DMD: variants seen among roughly 807,000 people sequenced by gnomAD.
DMD encodes mutant dystrophin.
In DMD, 63 loss-of-function variants were observed where a neutral mutation model predicts 330.1. That is an observed-to-expected ratio of 0.19 (90% CI 0.16 to 0.24). The LOEUF (loss-of-function observed/expected upper bound fraction) is 0.24. DMD is among the 10% of genes least tolerant of loss of function. The pLI, the probability that DMD is intolerant of heterozygous loss-of-function variation, is 1.00. For missense variants in DMD, 3,344 were observed against 2,684.1 expected (o/e 1.25, Z -5.43); for synonymous variants, 1,223 against 959.8 (o/e 1.27, Z -5.07).
At chrX:32,547,472 A>G (rs1394424377) in intron 16 of DMD, among the ~76,000 whole-genome samples, 1 of 111,197 alleles carries the variant, frequency 9.0e-6, no homozygotes, top group Non-Finnish European at 1.9e-5. Context: ...AATCACTACT[A>G]CACTGTAATT....
intron 9 of DMD, among the ~76,000 whole-genome samples, chrX:32,653,515 A>G (rs2060323230): frequency 9.0e-6 from 1 of 111,621 alleles, no homozygotes; most frequent in Non-Finnish European, 1.9e-5. Context: ...CCATTGGTCT[A>G]TATCTCTATT....
intron 22 of DMD, among the ~76,000 whole-genome samples, chrX:32,470,709 G>C (rs761025212): frequency 1.8e-5 from 2 of 111,119 alleles, no homozygotes; most frequent in East Asian, 5.7e-4. Flanking sequence ...AAACAAAAAA[G>C]GTGAAACAGC....
chrX:31,958,596 T>C (rs753074081), intron 45 of DMD, among the ~76,000 whole-genome samples: 3 of 111,937 alleles, frequency 2.7e-5, no homozygotes, highest in Non-Finnish European at 3.8e-5. Context: ...ATCTGCCACG[T>C]TGGCTTCCTG....
At chrX:33,243,563 A>G (rs1158859748) in intron 1 of DMD, among the ~76,000 whole-genome samples, 1 of 112,207 alleles carries the variant, frequency 8.9e-6, no homozygotes, top group East Asian at 2.8e-4. Context: ...TACCCAAATG[A>G]AAAGAAATAA....
At chrX:31,411,046 G>T (rs1012404611) in intron 60 of DMD, among the ~76,000 whole-genome samples, 1 of 109,242 alleles carries the variant, frequency 9.2e-6, no homozygotes, top group Non-Finnish European at 1.9e-5. Flanking sequence ...GATTACAGGC[G>T]TGAGCCACTG....
chrX:31,655,237 G>A (rs1459151122), intron 54 of DMD, among the ~76,000 whole-genome samples: 1 of 111,137 alleles, frequency 9.0e-6, no homozygotes, highest in Admixed American at 9.6e-5. Flanking sequence ...AGTGAACATA[G>A]ACAAAGATGA....
chrX:32,485,009 T>G lies in DMD; in HGVS notation c.2713A>C (p.Met905Leu). The G allele has an allele frequency of 8.3e-7, 1 of 1,211,536 alleles. No individual in the cohort carries two copies. Among genetic ancestry groups the G allele is most frequent in the Non-Finnish European group, 1.1e-6 (1 of 895,163 alleles). The change falls in exon 21 of 79, where the codon ATG becomes CTG. Residue 905 changes from methionine to leucine, a missense_variant. Transcript: ENST00000357033. ...GCCACAAAGTCTGCATCCAGGAACA[T>G]GGGTCCTTGTCCTTTCTCTTTCAGG... The part of the protein sequence containing the change: ...IALKEKGQGP[M>L]FLDADFVAFT...
intron 63 of DMD, among the ~76,000 whole-genome samples, chrX:31,242,554 C>T (rs1452508628): frequency 5.4e-5 from 6 of 111,146 alleles, no homozygotes; most frequent in Non-Finnish European, 5.6e-5. Flanking sequence ...TTGGTGTACA[C>T]GGTCTTGTAA....
intron 16 of DMD, among the ~76,000 whole-genome samples, chrX:32,563,071 T>C (rs949262924): frequency 1.8e-5 from 2 of 111,027 alleles, no homozygotes; most frequent in African/African-American, 3.3e-5. Flanking sequence ...CCGGGCGCGG[T>C]GACTTATGTC....
chrX:31,906,695 C>A (rs909175952), intron 47 of DMD, among the ~76,000 whole-genome samples: 1 of 110,883 alleles, frequency 9.0e-6, no homozygotes, highest in Non-Finnish European at 1.9e-5. Flanking sequence ...GTGAATTTTC[C>A]AGAGATATCC....
intron 62 of DMD, among the ~76,000 whole-genome samples, chrX:31,321,374 C>G (rs2056400443): frequency 9.2e-6 from 1 of 109,043 alleles, no homozygotes; most frequent in East Asian, 2.9e-4. Flanking sequence ...CACCTGAGGT[C>G]AGGAGTTCGA....
chrX:32,121,360 T>C (rs1390299682), intron 44 of DMD, among the ~76,000 whole-genome samples: 2 of 107,887 alleles, frequency 1.9e-5, no homozygotes, highest in African/African-American at 6.8e-5. Flanking sequence ...TCATCTTGGT[T>C]AGGCTCTGTG....
At position 31,835,167 on chromosome X, in the gene DMD, A is replaced by ATC. The variant is rs920575072; in HGVS notation, c.7200+1549_7200+1550dup. 1.0e-3 allele frequency among the ~76,000 whole-genome samples: 114 copies of ATC among 111,260 alleles called. 1 individual carries two copies. The highest frequency in any genetic ancestry group is 3.5e-3 in the African/African-American group (106 of 30,688). On this transcript the variant is annotated intron_variant, in intron 49 of 78. Transcript: ENST00000357033. ...ATTTTCTCAGTGGCTTTTAATTAAG[A>ATC]TCTCTCTCTCTCTCTTTTACAAAGG... is the stretch of plus-strand genomic sequence containing the variant.
intron 4 of DMD, among the ~76,000 whole-genome samples, chrX:32,823,990 G>T (rs916819894): frequency 3.6e-5 from 4 of 111,849 alleles, no homozygotes; most frequent in Non-Finnish European, 5.6e-5. Context: ...CATCTGAAAA[G>T]CAAGCATATG....
chrX:31,492,344 C>T (rs2069386580), intron 57 of DMD, among the ~76,000 whole-genome samples: 1 of 111,830 alleles, frequency 8.9e-6, no homozygotes. Flanking sequence ...TGTTCTTTTG[C>T]CCATAGGCTT....
chrX:32,310,303 T>A, intron 41 of DMD, 27 bp from the exon 42 acceptor site: 1 of 1,145,125 alleles, frequency 8.7e-7, no homozygotes, highest in Non-Finnish European at 1.2e-6. Context: ...AAAGAACAAT[T>A]TTTTTTAGCT....
intron 47 of DMD, among the ~76,000 whole-genome samples, chrX:31,921,206 C>T (rs1426266146): frequency 9.0e-6 from 1 of 111,193 alleles, no homozygotes; most frequent in Non-Finnish European, 1.9e-5. Flanking sequence ...AAACGATGTT[C>T]AGAATTAAAA....
At chrX:32,757,422 T>C (rs890542495) in intron 7 of DMD, among the ~76,000 whole-genome samples, 65 of 111,386 alleles carry the variant, frequency 5.8e-4, no homozygotes, top group African/African-American at 2.1e-3. Flanking sequence ...ACTTTGACTT[T>C]ATAATTTTTC....
chrX:31,951,581 T>C (rs980425049), intron 45 of DMD, among the ~76,000 whole-genome samples: 3 of 110,902 alleles, frequency 2.7e-5, no homozygotes, highest in African/African-American at 3.3e-5. Context: ...TGCATCTTAA[T>C]TGATCATAAT....
Sources: allele counts gnomAD v4.1 joint callset (sites outside exome capture counted in the v4.1 genomes callset), GRCh38; gene constraint gnomAD v4.1.1; transcripts MANE v1.5; gene names NCBI Gene and HGNC (gene_info 2026-07-23, HGNC 2026-07-21).